Variants in IQCE observed in about 807,000 individuals in gnomAD.
IQCE encodes the protein IQ domain-containing protein E.
IQCE carries 115 observed loss-of-function variants against 96.0 expected under a neutral mutation model. That is an observed-to-expected ratio of 1.20 (90% CI 1.03 to 1.40). The LOEUF is 1.40. Among genes scored for constraint, IQCE ranks in the 40% most tolerant of loss-of-function variants. IQCE has a pLI of 0.00. For synonymous variants in IQCE, 412 were observed against 371.2 expected, an observed-to-expected ratio of 1.11 and a Z score of -1.26; for missense variants, 1,041 against 909.1, an observed-to-expected ratio of 1.15 and a Z score of -1.87.
Position 2,612,588 on chromosome 7 carries a change from C to CCTAGCCATGGGAGGGGT in IQCE, c.*2426_*2427insCTAGCCATGGGAGGGGT, listed in dbSNP as rs1316011093. ...TGGGAGGGGTGAGCTGTGGGCGGGG[C>CCTAGCCATGGGAGGGGT]GAGCTGTGGGTGGGGCCTAGCCATG... On this transcript the variant is annotated 3_prime_UTR_variant, in exon 22 of 22. Transcript: ENST00000402050. 5 of 58,632 alleles carry CCTAGCCATGGGAGGGGT rather than the reference C, an allele frequency of 8.5e-5. No homozygotes were observed. Among genetic ancestry groups the CCTAGCCATGGGAGGGGT allele is most frequent in the Non-Finnish European group, 1.7e-4 (4 of 23,570 alleles). 3.6% of individuals were successfully genotyped at this position (58,632 alleles called of 1,614,324 possible).
intron 11 of IQCE, among the ~76,000 whole-genome samples, chr7:2,585,892 A>G (rs2969010): frequency 0.78 from 119,128 of 152,184 alleles, 47,134 homozygotes; most frequent in African/African-American, 0.88. Flanking sequence ...CTATCCTGCA[A>G]GCACCTGGCG....
intron 17 of IQCE, 141 bp from the exon 18 acceptor site, chr7:2,601,300 G>C (rs1182518163): frequency 1.8e-5 from 12 of 663,206 alleles, no homozygotes; most frequent in Non-Finnish European, 3.2e-5. Context: ...GCTGGGTCCC[G>C]GCAGCTCGGG....
chr7:2,604,756 C>T lies in IQCE; in HGVS notation c.1633-125C>T, dbSNP rs148635227. The T allele has an allele frequency of 5.4e-3, 3,572 of 663,904 alleles. 24 individuals are homozygous for T. The highest frequency in any genetic ancestry group is 0.024 in the Middle Eastern group (96 of 3,956). The allele number at this position is 663,904 out of a possible 1,614,324, so 41.1% of individuals were successfully genotyped here. On this transcript the variant is annotated intron_variant, in intron 18 of 21. Transcript: ENST00000402050. ...ACGGCTCTTTGAGAGAACGTGGCTG[C>T]ACAGCAGTGAAGGGAGTCACGTTCC... is the stretch of plus-strand genomic sequence containing the variant.
intron 13 of IQCE, among the ~76,000 whole-genome samples, chr7:2,588,395 C>T (rs1210246415): frequency 6.6e-6 from 1 of 151,488 alleles, no homozygotes; most frequent in African/African-American, 2.4e-5. Flanking sequence ...CACTCTGTCC[C>T]CAGGCTGGAG....
chr7:2,587,898 C>A, intron 13 of IQCE, 21 bp downstream of exon 13: 1 of 1,612,482 alleles, frequency 6.2e-7, no homozygotes, highest in South Asian at 1.1e-5. Flanking sequence ...GTCTCAGTGC[C>A]ACTGTCGTTG....
Position 2,559,165 on chromosome 7 carries a change from C to T in IQCE, c.-17C>T, listed in dbSNP as rs1321379911. ...CGAGCCAGCAACCCTGAGGGGCGGCCGGGCAGCGCCGCCACCATGTTCCTG... is the reference window on the plus strand; with the variant it reads ...CGAGCCAGCAACCCTGAGGGGCGGCTGGGCAGCGCCGCCACCATGTTCCTG... On this transcript the variant is annotated 5_prime_UTR_variant, in exon 1 of 22. Coordinates refer to ENST00000402050, the MANE Select transcript of IQCE (RefSeq NM_152558.5). 8.2e-7 allele frequency: 1 copy of T among 1,214,000 alleles called. No individual in the cohort carries two copies. Among genetic ancestry groups the T allele is most frequent in the Non-Finnish European group, 1.0e-6 (1 of 975,980 alleles). 75.2% of individuals were successfully genotyped at this position (1,214,000 alleles called of 1,614,324 possible).
At chr7:2,566,365 A>G (rs1029625145) in intron 1 of IQCE, among the ~76,000 whole-genome samples, 3 of 150,424 alleles carry the variant, frequency 2.0e-5, no homozygotes, top group African/African-American at 7.4e-5. Context: ...CTGGACCAGG[A>G]CAAAGTCACT....
intron 17 of IQCE, among the ~76,000 whole-genome samples, chr7:2,599,955 A>C (rs1264371745): frequency 1.3e-5 from 2 of 151,914 alleles, no homozygotes; most frequent in Non-Finnish European, 2.9e-5. Context: ...CACCATGCAC[A>C]GCTAATTTTT....
In IQCE at chr7:2,605,904, C is replaced by A; in HGVS notation, c.1772C>A (p.Pro591His). The stretch of plus-strand genomic sequence containing the variant: ...TCTCCTGTGCCCCGCGTTCCGAGCC[C>A]CATCGCCCAGGCCACGGGCAGCCCT... ...QSSPVPRVPS[P>H]IAQATGSPVQ... The change falls in exon 20 of 22, where the codon CCC becomes CAC. Residue 591 changes from proline to histidine, a missense_variant. By Grantham distance (77) the Pro-to-His change is moderately conservative. Coordinates refer to ENST00000402050, the MANE Select transcript of IQCE (RefSeq NM_152558.5). 6.2e-7 allele frequency: 1 copy of A among 1,607,764 alleles called. No individual in the cohort carries two copies. The highest frequency in any genetic ancestry group is 8.5e-7 in the Non-Finnish European group (1 of 1,177,870).
Position 2,610,492 on chromosome 7 carries a change from T to C in IQCE, c.*330T>C. ...CGTTCTCTGACAGCACCTTGCCGCC[T>C]GCCCACGACCTTGACCGTGAGGAGC... On this transcript the variant is annotated 3_prime_UTR_variant, in exon 22 of 22. Coordinates refer to ENST00000402050, the MANE Select transcript of IQCE (RefSeq NM_152558.5). 4.1e-6 allele frequency: 1 copy of C among 243,924 alleles called. No individual in the cohort carries two copies. The highest frequency in any genetic ancestry group is 8.1e-6 in the Non-Finnish European group (1 of 123,784). 15.1% of individuals were successfully genotyped at this position (243,924 alleles called of 1,614,324 possible).
intron 1 of IQCE, among the ~76,000 whole-genome samples, chr7:2,563,608 T>A (rs1417499942): frequency 6.6e-6 from 1 of 152,106 alleles, no homozygotes; most frequent in African/African-American, 2.4e-5. Flanking sequence ...GAGCCCTGCT[T>A]TAGGTACATC....
At chr7:2,600,736 A>C (rs959254875) in intron 17 of IQCE, among the ~76,000 whole-genome samples, 1 of 152,180 alleles carries the variant, frequency 6.6e-6, no homozygotes. Flanking sequence ...CAGTAGTACA[A>C]ATGTGGGACG....
intron 1 of IQCE, among the ~76,000 whole-genome samples, chr7:2,561,236 G>A (rs1047039412): frequency 1.3e-5 from 2 of 152,046 alleles, no homozygotes; most frequent in Non-Finnish European, 2.9e-5. Flanking sequence ...GGGATTACAG[G>A]CGTGAGCCAT....
intron 14 of IQCE, among the ~76,000 whole-genome samples, chr7:2,591,966 C>T (rs1356750547): frequency 1.0e-5 from 1 of 99,704 alleles, no homozygotes; most frequent in African/African-American, 4.0e-5. Flanking sequence ...CGTGAGCCAC[C>T]GCACCCGGGC....
intron 6 of IQCE, among the ~76,000 whole-genome samples, chr7:2,576,550 C>T (rs1277496742): frequency 6.6e-6 from 1 of 152,030 alleles, no homozygotes; most frequent in Non-Finnish European, 1.5e-5. Context: ...CAGGTGCGTG[C>T]CACCACACCT....
chr7:2,563,211 C>T (rs758425838), intron 1 of IQCE, among the ~76,000 whole-genome samples: 1 of 152,118 alleles, frequency 6.6e-6, no homozygotes, highest in African/African-American at 2.4e-5. Flanking sequence ...CAGGCATGAG[C>T]AGGTGCTCAG....
intron 1 of IQCE, among the ~76,000 whole-genome samples, chr7:2,561,316 ATGCTTT>A (rs1281802383): frequency 1.3e-5 from 2 of 152,138 alleles, no homozygotes; most frequent in African/African-American, 4.8e-5. Context: ...TACAAAGCCT[ATGCTTT>A]TGTTAAATTT....
chr7:2,605,118 G>A (rs1022632970), intron 19 of IQCE, 127 bp downstream of exon 19: 5 of 670,212 alleles, frequency 7.5e-6, no homozygotes, highest in African/African-American at 1.8e-5. Context: ...GGCGTCCCCT[G>A]CGCTCCATCC....
At position 2,598,509 on chromosome 7, in the gene IQCE, G is replaced by A. The variant is rs370246519; in HGVS notation, c.1485G>A (p.Glu495=). 7 of 1,609,578 alleles carry A rather than the reference G, an allele frequency of 4.3e-6. No individual in the cohort carries two copies. In the African/African-American group the frequency reaches 8.0e-5, roughly 18 times the overall value. The change falls in exon 17 of 22, where the codon GAG becomes GAA. Residue 495 remains glutamate, a synonymous_variant. Coordinates refer to ENST00000402050, the MANE Select transcript of IQCE (RefSeq NM_152558.5). ...CCACTCCCAGCAGCAGGCACTGCGA[G>A]CAAGACTGGCCGCCGGATTCCAGCG... ...PAPTPSSRHC[E]QDWPPDSSEE... is the part of the protein sequence containing the mutation.
Sources: gnomAD v4.1 joint callset for allele counts (sites outside exome capture counted in the v4.1 genomes callset) on GRCh38, gnomAD v4.1.1 for gene constraint, MANE v1.5 for transcripts, NCBI Gene and HGNC (gene_info 2026-07-23, HGNC 2026-07-21) for gene names.